The following PKNOX1 variants were observed in gnomAD, a reference collection of about 807,000 sequenced individuals.
PKNOX1 encodes homeobox protein PKNOX1.
PKNOX1 carries 15 observed loss-of-function variants against 51.9 expected under a neutral mutation model. The observed-to-expected ratio is 0.29, with a 90% CI of 0.19 to 0.45. The LOEUF is 0.45. Among genes scored for constraint, PKNOX1 ranks in the 20% least tolerant of loss-of-function variants. PKNOX1 has a pLI of 1.00. For missense variants in PKNOX1, 462 were observed against 547.5 expected (o/e 0.84, Z 1.56); for synonymous variants, 219 against 211.1 (o/e 1.04, Z -0.32).
intron 1 of PKNOX1, among the ~76,000 whole-genome samples, chr21:42,994,995 T>TA (rs1417146247): frequency 6.7e-6 from 1 of 149,904 alleles, no homozygotes; most frequent in Non-Finnish European, 1.5e-5. Flanking sequence ...AATCTTGACT[T>TA]ACTGCAGCCT....
intron 1 of PKNOX1, among the ~76,000 whole-genome samples, chr21:42,995,067 G>C (rs1344203010): frequency 6.6e-6 from 1 of 151,836 alleles, no homozygotes; most frequent in Non-Finnish European, 1.5e-5. Context: ...GATTACAGGT[G>C]CCTGCCACCA....
At chr21:43,010,371 A>G in intron 4 of PKNOX1, 147 bp downstream of exon 4, 1 of 474,618 alleles carries the variant, frequency 2.1e-6, no homozygotes, top group Non-Finnish European at 3.7e-6. Context: ...GGTGTGTGTA[A>G]TGTGGATATC....
rs1329732840 is a variant in PKNOX1, at chr21:43,007,498, T to C, written c.59T>C (p.Val20Ala). The C allele has an allele frequency of 6.2e-7, 1 of 1,613,638 alleles. No individual in the cohort carries two copies. The highest frequency in any genetic ancestry group is 8.5e-7 in the Non-Finnish European group (1 of 1,179,574). ...DSYQDGQQMQ[V>A]VTELKTEQDP... ...ATCTTCCTCCTTTTACAGATGCAAGTAGTAACAGAGTTAAAGACAGAACAA... is the reference window on the plus strand; with the variant it reads ...ATCTTCCTCCTTTTACAGATGCAAGCAGTAACAGAGTTAAAGACAGAACAA... Residue 20 changes from valine (V) to alanine (A), a missense_variant, in exon 3 of 11, where the codon GTA becomes GCA. This residue lies in a region of PKNOX1 where 129 missense variants were observed against 133.4 expected (regional missense o/e 0.97). Transcript: ENST00000291547.
intron 1 of PKNOX1, 140 bp from the exon 2 acceptor site, chr21:43,004,186 G>A (rs1160087373): frequency 2.0e-5 from 9 of 446,418 alleles, no homozygotes; most frequent in East Asian, 4.4e-5. Context: ...GAGGTGAGCC[G>A]AGATCGCGCC....
intron 4 of PKNOX1, among the ~76,000 whole-genome samples, chr21:43,010,962 G>A (rs1029164353): frequency 5.3e-5 from 8 of 152,152 alleles, no homozygotes; most frequent in Non-Finnish European, 7.3e-5. Flanking sequence ...GTAAAGGTCC[G>A]TAGGGCTGGG....
At chr21:42,978,471 T>TACTTGTTC (rs397935424) in intron 1 of PKNOX1, among the ~76,000 whole-genome samples, 2 of 142,570 alleles carry the variant, frequency 1.4e-5, no homozygotes, top group Non-Finnish European at 3.1e-5. Flanking sequence ...CTAACTTGTT[T>TACTTGTTC]TTTTCTTTTC....
At chr21:42,999,950 C>T (rs940838513) in intron 1 of PKNOX1, among the ~76,000 whole-genome samples, 1 of 152,158 alleles carries the variant, frequency 6.6e-6, no homozygotes, top group African/African-American at 2.4e-5. Flanking sequence ...GTTCAGAGTT[C>T]CACAAATCTC....
chr21:42,999,241 C>G (rs1231749890), intron 1 of PKNOX1, among the ~76,000 whole-genome samples: 1 of 152,230 alleles, frequency 6.6e-6, no homozygotes, highest in Non-Finnish European at 1.5e-5. Context: ...GCTGGAGCAG[C>G]TGGGATGCAG....
chr21:42,977,970 AC>A (rs1458238178), intron 1 of PKNOX1, among the ~76,000 whole-genome samples: 1 of 151,986 alleles, frequency 6.6e-6, no homozygotes, highest in Non-Finnish European at 1.5e-5. Context: ...TAATCAGACC[AC>A]TCATACTTTC....
rs1555866030 is a variant in PKNOX1 at position 43,032,314 on chromosome 21, T to TTCCCTCACCACCCTCCGTCTCTTCA, written c.*2237_*2238insATCCCTCACCACCCTCCGTCTCTTC. The TTCCCTCACCACCCTCCGTCTCTTCA allele has an allele frequency of 4.3e-4, 179 of 415,188 alleles. 2 individuals are homozygous for TTCCCTCACCACCCTCCGTCTCTTCA. Among genetic ancestry groups the TTCCCTCACCACCCTCCGTCTCTTCA allele is most frequent in the Middle Eastern group, 3.6e-3 (10 of 2,756 alleles). 25.7% of individuals were successfully genotyped at this position (415,188 alleles called of 1,614,324 possible). On this transcript the variant is annotated 3_prime_UTR_variant, in exon 11 of 11. Transcript: ENST00000291547. Reference sequence around the variant, plus strand: ...ATGAAAGCCAGCCAGCCCTTCCTCCTTCCCTCACCACCCTCCGTCTCTTCG... The same window carrying TTCCCTCACCACCCTCCGTCTCTTCA: ...ATGAAAGCCAGCCAGCCCTTCCTCCTTCCCTCACCACCCTCCGTCTCTTCATCCCTCACCACCCTCCGTCTCTTCG...
chr21:42,998,252 A>C (rs908350174), intron 1 of PKNOX1, among the ~76,000 whole-genome samples: 1 of 152,154 alleles, frequency 6.6e-6, no homozygotes, highest in African/African-American at 2.4e-5. Flanking sequence ...AAACCATCAG[A>C]TCTTGTGGGA....
chr21:42,983,895 C>G (rs2059038667), intron 1 of PKNOX1, among the ~76,000 whole-genome samples: 1 of 152,082 alleles, frequency 6.6e-6, no homozygotes, highest in Admixed American at 6.6e-5. Context: ...TTAATAGCAG[C>G]CATCCTAATG....
Position 43,000,856 on chromosome 21 carries a change from C to G in PKNOX1, c.-56-3470C>G, listed in dbSNP as rs186095671. On this transcript the variant is annotated intron_variant, in intron 1 of 10. Transcript: ENST00000291547. ...TATGATTGCAACATTGCAGTCCAGC[C>G]TAGGTGACAGAACAAGAACCTGTCT... Among the ~76,000 whole-genome samples, 651 of 152,164 alleles carry G rather than the reference C, an allele frequency of 4.3e-3. 3 individuals carry two copies. Among genetic ancestry groups the G allele is most frequent in the Non-Finnish European group, 7.3e-3 (496 of 68,018 alleles).
At chr21:42,978,333 A>G (rs2059008033) in intron 1 of PKNOX1, among the ~76,000 whole-genome samples, 1 of 152,102 alleles carries the variant, frequency 6.6e-6, no homozygotes, top group Admixed American at 6.6e-5. Flanking sequence ...TCACTGGAGT[A>G]GCACTTTTTA....
intron 1 of PKNOX1, among the ~76,000 whole-genome samples, chr21:42,990,652 T>G (rs2059082353): frequency 6.6e-6 from 1 of 152,176 alleles, no homozygotes; most frequent in Admixed American, 6.6e-5. Context: ...GAAGACAGAT[T>G]TACAAAAGAG....
At chr21:42,999,129 C>T (rs1397135762) in intron 1 of PKNOX1, among the ~76,000 whole-genome samples, 2 of 152,250 alleles carry the variant, frequency 1.3e-5, no homozygotes, top group Non-Finnish European at 2.9e-5. Context: ...CAATTCTTGA[C>T]TTCTGTGCAC....
intron 1 of PKNOX1, among the ~76,000 whole-genome samples, chr21:42,985,330 T>G (rs1256103080): frequency 1.3e-5 from 2 of 151,796 alleles, no homozygotes; most frequent in African/African-American, 4.8e-5. Context: ...TTTTTGGTTT[T>G]TGTTTGTTTG....
chr21:43,004,259 A>G, intron 1 of PKNOX1, 67 bp from the exon 2 acceptor site: 2 of 684,412 alleles, frequency 2.9e-6, no homozygotes, highest in South Asian at 3.4e-5. Flanking sequence ...ATTTGATGTT[A>G]TGGAATGAGG....
chr21:43,018,111 T>C, intron 6 of PKNOX1, 22 bp from the exon 7 acceptor site: 2 of 1,201,634 alleles, frequency 1.7e-6, no homozygotes, highest in South Asian at 1.2e-5. Context: ...AGCAGCCTCA[T>C]ATTTTTATTC....
Sources: allele counts gnomAD v4.1 joint callset (sites outside exome capture counted in the v4.1 genomes callset), GRCh38; gene constraint gnomAD v4.1.1; regional missense constraint gnomAD v4.1.1; transcripts MANE v1.5; gene names NCBI Gene and HGNC (gene_info 2026-07-23, HGNC 2026-07-21).